Variants in RNF10 observed in about 807,000 individuals in gnomAD.
RNF10 encodes the protein E3 ubiquitin-protein ligase RNF10.
Under a neutral mutation model 91.4 loss-of-function variants are expected in RNF10, and 38 were observed. The observed-to-expected ratio is 0.42, with a 90% CI of 0.32 to 0.54. RNF10 has a LOEUF of 0.54. RNF10 is among the 20% of genes least tolerant of loss of function. The pLI is 0.16. For missense variants in RNF10, 945 were observed against 1,012.0 expected (o/e 0.93, Z 0.90); for synonymous variants, 364 against 366.3 (o/e 0.99, Z 0.07).
intron 1 of RNF10, chr12:120,539,400 T>C: frequency 7.8e-7 from 1 of 1,288,924 alleles, no homozygotes; most frequent in Non-Finnish European, 1.0e-6. Context: ...CAATTTGTTG[T>C]CAGTTGATTC....
At chr12:120,570,857 C>T (rs955982472) in intron 13 of RNF10, among the ~76,000 whole-genome samples, 1 of 152,170 alleles carries the variant, frequency 6.6e-6, no homozygotes, top group Non-Finnish European at 1.5e-5. Context: ...CAGTCCCTGA[C>T]AGTACCTATC....
chr12:120,559,550 A>G lies in RNF10; in HGVS notation c.968-1176A>G, dbSNP rs1258661793. 2.6e-5 allele frequency among the ~76,000 whole-genome samples: 4 copies of G among 151,524 alleles called. No homozygotes were observed. The East Asian group carries it at 7.8e-4, about 29-fold the overall frequency. On this transcript the variant is annotated intron_variant, in intron 6 of 16. Transcript: ENST00000325954. ...CAGGCACGCACCACCACACCTGGCT[A>G]GTTTTTGTATTTTTAGTAGAGACGG...
At chr12:120,536,482 G>GT (rs1417175545) in intron 1 of RNF10, among the ~76,000 whole-genome samples, 3 of 152,044 alleles carry the variant, frequency 2.0e-5, no homozygotes, top group African/African-American at 7.2e-5. Context: ...ACAGAAAATT[G>GT]TAAGGTCTGC....
intron 14 of RNF10, among the ~76,000 whole-genome samples, chr12:120,571,931 G>C (rs1253162321): frequency 6.6e-6 from 1 of 152,124 alleles, no homozygotes; most frequent in African/African-American, 2.4e-5. Context: ...TAATCTCTAA[G>C]ATAACAAGCT....
At position 120,576,694 on chromosome 12, in the gene RNF10, T is replaced by C. The variant is rs1163139665; in HGVS notation, c.*28T>C. The C allele has an allele frequency of 6.3e-7, 1 of 1,591,228 alleles. No homozygotes were observed. The highest frequency in any genetic ancestry group is 2.2e-5 in the East Asian group (1 of 44,758). On this transcript the variant is annotated 3_prime_UTR_variant, in exon 17 of 17. Coordinates refer to ENST00000325954, the MANE Select transcript of RNF10 (RefSeq NM_014868.5). ...CTACTGGCCCAGGCTACCTTCTCCATCTGGTTTTTGTTTTTGTTTTTTTTT... is the reference window on the plus strand; with the variant it reads ...CTACTGGCCCAGGCTACCTTCTCCACCTGGTTTTTGTTTTTGTTTTTTTTT...
chr12:120,576,568 GTCTT>G lies in RNF10; in HGVS notation c.2360-18_2360-15del, dbSNP rs1826416070. 1 of 1,610,842 alleles carries G rather than the reference GTCTT, an allele frequency of 6.2e-7. No homozygotes were observed. Among genetic ancestry groups the G allele is most frequent in the Non-Finnish European group, 8.5e-7 (1 of 1,178,918 alleles). On this transcript the variant is annotated intron_variant, in intron 16 of 16. Transcript: ENST00000325954. Reference sequence around the variant, plus strand: ...AAGGGATGGCATTTTAAGTTAAGCTGTCTTTCTGTGTCTCCCTTTAGAAGAGAAA... The same window carrying G: ...AAGGGATGGCATTTTAAGTTAAGCTGTCTGTGTCTCCCTTTAGAAGAGAAA...
chr12:120,557,199 T>A, intron 4 of RNF10, 83 bp from the exon 5 acceptor site: 1 of 1,196,220 alleles, frequency 8.4e-7, no homozygotes, highest in Non-Finnish European at 1.2e-6. Flanking sequence ...GAGATGCGGA[T>A]GAGAGAGTAG....
intron 2 of RNF10, among the ~76,000 whole-genome samples, chr12:120,550,339 G>T (rs1872862006): frequency 6.6e-6 from 1 of 152,072 alleles, no homozygotes; most frequent in Admixed American, 6.6e-5. Context: ...TAATCAGGAA[G>T]TATGAGTGGC....
chr12:120,562,110 T>C (rs1176479132), intron 7 of RNF10, among the ~76,000 whole-genome samples: 1 of 152,016 alleles, frequency 6.6e-6, no homozygotes, highest in Admixed American at 6.6e-5. Context: ...TTAAGCTTAG[T>C]ACCCATTGGT....
chr12:120,547,648 G>A (rs1872519647), intron 2 of RNF10, among the ~76,000 whole-genome samples: 1 of 152,128 alleles, frequency 6.6e-6, no homozygotes, highest in Non-Finnish European at 1.5e-5. Context: ...GCACATGCAA[G>A]GGACGGGAGG....
chr12:120,572,893 G>A (rs574858), intron 14 of RNF10, among the ~76,000 whole-genome samples: 38,963 of 134,802 alleles, frequency 0.29, 6,000 homozygotes, highest in East Asian at 0.53. Flanking sequence ...GAACCACTGC[G>A]CCTGGCCTTT....
rs767518780 is a variant in RNF10 at position 120,565,085 on chromosome 12, G to A, written c.1679G>A (p.Arg560His). 166 of 1,612,956 alleles carry A rather than the reference G, an allele frequency of 1.0e-4. No homozygotes were observed. The highest frequency in any genetic ancestry group is 2.7e-4 in the East Asian group (12 of 44,892). ...GYSMSEDVRQ[R>H]HRYLSHLPLT... ...TTTCCAATGTAGGATGTTCGACAGC[G>A]TCACAGATATCTCTCTCACTTGCCA... The change falls in exon 11 of 17, where the codon CGT becomes CAT. Residue 560 changes from arginine to histidine, a missense_variant. Arg to His is a conservative substitution (Grantham distance 29, BLOSUM62 0). Transcript: ENST00000325954.
At chr12:120,536,983 C>CG (rs1870913350) in intron 1 of RNF10, among the ~76,000 whole-genome samples, 1 of 152,210 alleles carries the variant, frequency 6.6e-6, no homozygotes, top group Non-Finnish European at 1.5e-5. Context: ...GGAATTAACT[C>CG]TGATTACCCA....
intron 1 of RNF10, among the ~76,000 whole-genome samples, chr12:120,540,663 C>T (rs1296722684): frequency 2.0e-5 from 3 of 152,028 alleles, no homozygotes; most frequent in Admixed American, 6.6e-5. Context: ...AACTGGAAGA[C>T]GAGAAACGAG....
chr12:120,566,804 A>G (rs1311297813), intron 12 of RNF10, 21 bp from the exon 13 acceptor site: 3 of 1,598,306 alleles, frequency 1.9e-6, no homozygotes, highest in Admixed American at 1.8e-5. Context: ...TGGGTTTACA[A>G]GGGTTATCTT....
At chr12:120,538,421 C>A (rs1871131228) in intron 1 of RNF10, among the ~76,000 whole-genome samples, 1 of 152,128 alleles carries the variant, frequency 6.6e-6, no homozygotes, top group Non-Finnish European at 1.5e-5. Flanking sequence ...ATTTGGCTAC[C>A]AGGATTTTCT....
rs777281124 is a variant in RNF10 at position 120,554,802 on chromosome 12, A to G, written c.639A>G (p.Glu213=). Residue 213 remains glutamate, a synonymous_variant, in exon 4 of 17, where the codon GAA becomes GAG. Transcript: ENST00000325954. ...PDTLVNWDFV[E]QVRICSHEVP... The stretch of plus-strand genomic sequence containing the variant: ...CATTAGTTAACTGGGACTTTGTGGA[A>G]CAAGTGGTGAGTAGCTCAGCCAAGC... The G allele has an allele frequency of 1.8e-5, 29 of 1,613,220 alleles. No individual in the cohort carries two copies. Among genetic ancestry groups the G allele is most frequent in the Non-Finnish European group, 2.3e-5 (27 of 1,179,286 alleles).
At chr12:120,567,211 A>G (rs1372484073) in intron 13 of RNF10, among the ~76,000 whole-genome samples, 1 of 152,064 alleles carries the variant, frequency 6.6e-6, no homozygotes, top group Non-Finnish European at 1.5e-5. Flanking sequence ...TAGGCAGGAT[A>G]GTTGAAAATG....
chr12:120,541,549 C>T (rs1057248953), intron 1 of RNF10, among the ~76,000 whole-genome samples: 5 of 151,804 alleles, frequency 3.3e-5, no homozygotes, highest in Non-Finnish European at 5.9e-5. Context: ...ATTCTCCTGC[C>T]TCAGCCTCCC....
Sources: gnomAD v4.1 joint callset for allele counts (sites outside exome capture counted in the v4.1 genomes callset) on GRCh38, gnomAD v4.1.1 for gene constraint, MANE v1.5 for transcripts, NCBI Gene and HGNC (gene_info 2026-07-23, HGNC 2026-07-21) for gene names.